HEATR9: variants seen among roughly 807,000 people sequenced by gnomAD.
HEATR9 encodes HEAT repeat containing 9.
In HEATR9, 54 loss-of-function variants were observed where a neutral mutation model predicts 68.2. The ratio of observed to expected loss-of-function variants is 0.79; its 90% CI spans 0.64 to 0.99. HEATR9 has a LOEUF of 0.99. HEATR9 is among the 50% of genes least tolerant of loss of function. The pLI, the probability that HEATR9 is intolerant of heterozygous loss-of-function variation, is 0.00. For missense variants in HEATR9, 662 were observed against 679.7 expected, an observed-to-expected ratio of 0.97 and a Z score of 0.29; for synonymous variants, 241 against 253.5, an observed-to-expected ratio of 0.95 and a Z score of 0.47.
At position 35,865,379 on chromosome 17, in the gene HEATR9, A is replaced by G; in HGVS notation, c.156T>C (p.Phe52=). The G allele has an allele frequency of 6.2e-7, 1 of 1,613,052 alleles. No homozygotes were observed. The highest frequency in any genetic ancestry group is 8.5e-7 in the Non-Finnish European group (1 of 1,179,872). Residue 52 remains phenylalanine (F), a synonymous_variant, in exon 3 of 15, where the codon TTT becomes TTC. Transcript: ENST00000604834. ...GCCTCCAGCACTCTGGACTTGGGGG[A>G]AACTCTTCCTTTGGCATCTGGGGGT... ...LSCYQMPKEE[F]PPSPECWRQH... is the part of the protein sequence containing the mutation.
At chr17:35,861,384 T>C in intron 8 of HEATR9, 5 of 1,605,562 alleles carry the variant, frequency 3.1e-6, no homozygotes, top group Non-Finnish European at 4.3e-6. Flanking sequence ...CTGTAAGCTC[T>C]TTACCAGCTG....
At chr17:35,857,632 G>C (rs374945030) in intron 11 of HEATR9, among the ~76,000 whole-genome samples, 1 of 151,980 alleles carries the variant, frequency 6.6e-6, no homozygotes, top group Non-Finnish European at 1.5e-5. Flanking sequence ...GGTTGCGGGC[G>C]CCTGTAGTCC....
intron 8 of HEATR9, among the ~76,000 whole-genome samples, chr17:35,860,583 G>A (rs926313428): frequency 2.7e-5 from 4 of 148,776 alleles, no homozygotes; most frequent in Non-Finnish European, 3.0e-5. Context: ...TCCGTCTCCC[G>A]GTTTCACGCC....
intron 4 of HEATR9, 54 bp downstream of exon 4, chr17:35,864,704 G>A (rs2088129617): frequency 1.2e-6 from 2 of 1,609,900 alleles, no homozygotes; most frequent in Non-Finnish European, 8.5e-7. Flanking sequence ...GAGCCCAAGG[G>A]AAGGGCACCC....
chr17:35,857,339 T>C (rs2087808733), intron 11 of HEATR9, among the ~76,000 whole-genome samples: 1 of 152,032 alleles, frequency 6.6e-6, no homozygotes, highest in African/African-American at 2.4e-5. Context: ...GAGATGAAGC[T>C]AGAGAGGCAA....
intron 6 of HEATR9, 73 bp downstream of exon 6, chr17:35,864,173 G>C: frequency 7.6e-7 from 1 of 1,320,882 alleles, no homozygotes; most frequent in East Asian, 2.3e-5. Flanking sequence ...GGGGAGCCTC[G>C]TCTGTGCCCA....
intron 1 of HEATR9, among the ~76,000 whole-genome samples, chr17:35,867,018 G>A (rs987854755): frequency 2.0e-5 from 3 of 152,002 alleles, no homozygotes; most frequent in African/African-American, 4.8e-5. Flanking sequence ...TTGGGAGGCC[G>A]AGACGGGCGG....
chr17:35,861,863 GT>G (rs113162886), intron 8 of HEATR9, among the ~76,000 whole-genome samples: 67 of 142,578 alleles, frequency 4.7e-4, no homozygotes, highest in Admixed American at 7.8e-4. Context: ...CTTTTTCTTG[GT>G]TTTTTTTTTT....
chr17:35,860,249 G>T (rs1216538440), intron 8 of HEATR9, among the ~76,000 whole-genome samples: 1 of 150,366 alleles, frequency 6.7e-6, no homozygotes, highest in Admixed American at 6.6e-5. Context: ...AAAATTAGCT[G>T]GGCGCAGTGG....
intron 2 of HEATR9, 25 bp downstream of exon 2, chr17:35,866,699 G>A: frequency 6.2e-7 from 1 of 1,609,004 alleles, no homozygotes; most frequent in Non-Finnish European, 8.5e-7. Context: ...ACAGCTCCCA[G>A]GGTAGCAAAA....
intron 6 of HEATR9, chr17:35,863,943 G>T (rs768642029): frequency 1.9e-6 from 1 of 535,988 alleles, no homozygotes; most frequent in Non-Finnish European, 3.3e-6. Context: ...CATATGCGGT[G>T]TTTCCAGTAA....
intron 7 of HEATR9, 53 bp downstream of exon 7, chr17:35,863,449 G>C (rs770225186): frequency 4.5e-5 from 71 of 1,571,424 alleles, no homozygotes; most frequent in Non-Finnish European, 6.1e-5. Flanking sequence ...TTACCCAAAG[G>C]AGAAAGTGGT....
intron 11 of HEATR9, among the ~76,000 whole-genome samples, chr17:35,857,075 A>C: frequency 6.6e-6 from 1 of 152,148 alleles, no homozygotes; most frequent in Non-Finnish European, 1.5e-5. Flanking sequence ...TTGGAAGGTG[A>C]GTGGGAGTTA....
chr17:35,856,610 G>T, intron 12 of HEATR9, 122 bp downstream of exon 12: 2 of 875,438 alleles, frequency 2.3e-6, no homozygotes, highest in Non-Finnish European at 3.6e-6. Flanking sequence ...CTGAGGACCT[G>T]CTGCACTGTA....
intron 1 of HEATR9, 22 bp from the exon 2 acceptor site, chr17:35,866,795 T>C (rs749023678): frequency 1.5e-5 from 24 of 1,612,334 alleles, no homozygotes; most frequent in Non-Finnish European, 1.9e-5. Flanking sequence ...GATAAGAGTA[T>C]GTGTGTGGTT....
chr17:35,864,950 A>T (rs1197706599), intron 3 of HEATR9, 60 bp from the exon 4 acceptor site: 8 of 1,606,660 alleles, frequency 5.0e-6, no homozygotes, highest in Non-Finnish European at 6.8e-6. Context: ...CTCAGGTTGC[A>T]ACCTCACTTC....
At position 35,855,092 on chromosome 17, in the gene HEATR9, G is replaced by C. The variant is rs2087722998; in HGVS notation, c.1684C>G (p.Leu562Val). The C allele has an allele frequency of 6.2e-7, 1 of 1,613,716 alleles. No homozygotes were observed. Among genetic ancestry groups the C allele is most frequent in the Non-Finnish European group, 8.5e-7 (1 of 1,179,924 alleles). Reference sequence around the variant, plus strand: ...TTGGCAATTTCAGCAAGGACCCGGAGCTGTTTCTTGATCCTTGGCTGCCAG... The same window carrying C: ...TTGGCAATTTCAGCAAGGACCCGGACCTGTTTCTTGATCCTTGGCTGCCAG... ...GPWQPRIKKQ[L>V]RVLAEIAK Residue 562 changes from leucine to valine, a missense_variant, in exon 15 of 15, where the codon CTC becomes GTC. Physicochemically the swap from Leu to Val is conservative, Grantham distance 32. Coordinates refer to ENST00000604834, the MANE Select transcript of HEATR9 (RefSeq NM_152781.4).
chr17:35,864,463 G>C (rs930818913), intron 5 of HEATR9, 34 bp downstream of exon 5: 2 of 1,608,378 alleles, frequency 1.2e-6, no homozygotes, highest in Non-Finnish European at 1.7e-6. Flanking sequence ...ACTCCTGGCT[G>C]TAACCACCCT....
chr17:35,859,111 C>G (rs781607594), intron 8 of HEATR9, 41 bp from the exon 9 acceptor site: 1 of 1,560,624 alleles, frequency 6.4e-7, no homozygotes, highest in African/African-American at 1.4e-5. Flanking sequence ...GGGCTATGTA[C>G]TTTATGCCAG....
Sources: allele counts gnomAD v4.1 joint callset (sites outside exome capture counted in the v4.1 genomes callset), GRCh38; gene constraint gnomAD v4.1.1; transcripts MANE v1.5; gene names NCBI Gene and HGNC (gene_info 2026-07-23, HGNC 2026-07-21).